Variants in AUTS2 observed in about 807,000 individuals in gnomAD.
AUTS2 encodes the protein activator of transcription and developmental regulator AUTS2.
A neutral mutation model predicts 112.4 loss-of-function variants in AUTS2; 17 were observed. That is an observed-to-expected ratio of 0.15 (90% CI 0.10 to 0.23). The LOEUF (loss-of-function observed/expected upper bound fraction) is 0.23, where lower values mean the gene tolerates loss of function less well. AUTS2 is among the 10% of genes least tolerant of loss of function. The pLI is 1.00. For synonymous variants in AUTS2, 751 were observed against 702.7 expected (o/e 1.07, Z -1.09); for missense variants, 1,510 against 1,701.6 (o/e 0.89, Z 1.98).
intron 4 of AUTS2, among the ~76,000 whole-genome samples, chr7:70,153,377 T>C (rs1194609126): frequency 2.6e-5 from 4 of 152,138 alleles, no homozygotes; most frequent in Non-Finnish European, 4.4e-5. Flanking sequence ...AGCTGTTTAA[T>C]CTACAGTGAC....
intron 4 of AUTS2, among the ~76,000 whole-genome samples, chr7:70,353,317 A>G (rs1241672999): frequency 6.6e-6 from 1 of 152,218 alleles, no homozygotes; most frequent in African/African-American, 2.4e-5. Flanking sequence ...AAAATTTGAA[A>G]TTAATAAAAC....
intron 4 of AUTS2, among the ~76,000 whole-genome samples, chr7:70,144,370 T>G (rs1807015767): frequency 6.6e-6 from 1 of 152,076 alleles, no homozygotes; most frequent in Non-Finnish European, 1.5e-5. Flanking sequence ...ACTAGCTCTG[T>G]GATATGAAAA....
chr7:69,712,549 T>C (rs1414715219), intron 1 of AUTS2, among the ~76,000 whole-genome samples: 2 of 152,222 alleles, frequency 1.3e-5, no homozygotes, highest in Non-Finnish European at 2.9e-5. Flanking sequence ...GTAGTGTATA[T>C]TGATAATTTC....
chr7:70,088,501 T>C (rs1803733651), intron 2 of AUTS2, among the ~76,000 whole-genome samples: 1 of 151,340 alleles, frequency 6.6e-6, no homozygotes, highest in Non-Finnish European at 1.5e-5. Flanking sequence ...CGTTGTTATT[T>C]CCTGTATTCT....
chr7:70,497,786 G>T (rs1170413844), intron 5 of AUTS2, among the ~76,000 whole-genome samples: 2 of 152,132 alleles, frequency 1.3e-5, no homozygotes, highest in Admixed American at 1.3e-4. Flanking sequence ...CTTCCACACA[G>T]CCAGTCTGAG....
chr7:70,108,052 G>C (rs1393386363), intron 2 of AUTS2, among the ~76,000 whole-genome samples: 1 of 151,932 alleles, frequency 6.6e-6, no homozygotes, highest in African/African-American at 2.4e-5. Flanking sequence ...TGGTATACCA[G>C]TTCAGTTCTG....
chr7:70,332,430 A>G (rs528346733), intron 4 of AUTS2, among the ~76,000 whole-genome samples: 99 of 152,308 alleles, frequency 6.5e-4, no homozygotes, highest in Middle Eastern at 6.8e-3. Flanking sequence ...TCAAGCTACC[A>G]TTGACTTTCT....
chr7:70,078,086 G>C (rs564516262), intron 2 of AUTS2, among the ~76,000 whole-genome samples: 2 of 152,138 alleles, frequency 1.3e-5, no homozygotes, highest in South Asian at 4.1e-4. Flanking sequence ...GCATATGGTA[G>C]GTAGTCAGTG....
At chr7:70,390,041 A>G (rs1391046045) in intron 4 of AUTS2, among the ~76,000 whole-genome samples, 1 of 152,294 alleles carries the variant, frequency 6.6e-6, no homozygotes, top group Admixed American at 6.5e-5. Flanking sequence ...GTAAGAGAGG[A>G]TATGTGCTTT....
At chr7:69,890,445 C>T (rs528325646) in intron 1 of AUTS2, among the ~76,000 whole-genome samples, 10 of 152,112 alleles carry the variant, frequency 6.6e-5, no homozygotes, top group African/African-American at 2.2e-4. Flanking sequence ...AACCTTGTCC[C>T]TCTCATCTTT....
chr7:70,065,573 T>G (rs1802450516), intron 2 of AUTS2, among the ~76,000 whole-genome samples: 1 of 151,978 alleles, frequency 6.6e-6, no homozygotes, highest in South Asian at 2.1e-4. Flanking sequence ...GCACCATGCC[T>G]GTAATACCAG....
chr7:69,773,455 G>T (rs1584225311), intron 1 of AUTS2, among the ~76,000 whole-genome samples: 1 of 110,530 alleles, frequency 9.0e-6, no homozygotes, highest in African/African-American at 3.5e-5. Context: ...AAGAGGCACA[G>T]ACCAAAAAAA....
chr7:70,156,956 A>T (rs1360983350), intron 4 of AUTS2, among the ~76,000 whole-genome samples: 2 of 138,188 alleles, frequency 1.4e-5, no homozygotes, highest in Admixed American at 7.6e-5. Flanking sequence ...AGGCACCTGT[A>T]GTCCCAGCTA....
intron 5 of AUTS2, among the ~76,000 whole-genome samples, chr7:70,600,897 A>G (rs1803442861): frequency 6.6e-6 from 1 of 152,244 alleles, no homozygotes; most frequent in Admixed American, 6.5e-5. Flanking sequence ...TTATTTAGAC[A>G]GTACCACATT....
At chr7:70,288,931 A>G (rs1009905101) in intron 4 of AUTS2, among the ~76,000 whole-genome samples, 2 of 152,192 alleles carry the variant, frequency 1.3e-5, no homozygotes, top group African/African-American at 4.8e-5. Flanking sequence ...TTTAGAGATA[A>G]TGCAACCCGT....
At chr7:70,609,959 T>TTGTTGTTG (rs1563074483) in intron 5 of AUTS2, among the ~76,000 whole-genome samples, 40 of 122,970 alleles carry the variant, frequency 3.3e-4, no homozygotes, top group East Asian at 8.0e-4. Flanking sequence ...AGTTCTGTTT[T>TTGTTGTTG]TTGTTGTTGT....
intron 1 of AUTS2, among the ~76,000 whole-genome samples, chr7:69,683,269 C>T (rs890246003): frequency 3.9e-5 from 6 of 152,216 alleles, no homozygotes; most frequent in African/African-American, 1.4e-4. Context: ...CACATAGTCT[C>T]TACCTGGCTG....
intron 5 of AUTS2, among the ~76,000 whole-genome samples, chr7:70,508,856 T>C (rs1421276507): frequency 2.0e-5 from 3 of 152,236 alleles, no homozygotes; most frequent in South Asian, 2.1e-4. Context: ...AATGTTTGCA[T>C]TGTAACACTT....
At chr7:70,213,515 G>A in intron 4 of AUTS2, among the ~76,000 whole-genome samples, 1 of 146,690 alleles carries the variant, frequency 6.8e-6, no homozygotes, top group Non-Finnish European at 1.5e-5. Context: ...CAGCCGAGGT[G>A]ACAGAGCAGC....
Sources: allele counts gnomAD v4.1 joint callset (sites outside exome capture counted in the v4.1 genomes callset), GRCh38; gene constraint gnomAD v4.1.1; transcripts MANE v1.5; gene names NCBI Gene and HGNC (gene_info 2026-07-23, HGNC 2026-07-21).